Variants in TMEM132C observed in about 807,000 individuals in gnomAD.
TMEM132C encodes the protein transmembrane protein 132C, also known as protein phosphatase 1, regulatory subunit 152.
A neutral mutation model predicts 61.4 loss-of-function variants in TMEM132C; 29 were observed. That is an observed-to-expected ratio of 0.47 (90% CI 0.35 to 0.64). TMEM132C has a LOEUF of 0.64. Ranked by LOEUF, TMEM132C falls within the 30% of genes least tolerant of loss-of-function variation. The probability of loss-of-function intolerance (pLI) is 0.00; values close to 1 mark genes in which losing one functional copy is unlikely to be tolerated. For missense variants in TMEM132C, 1,408 were observed against 1,476.9 expected (o/e 0.95, Z 0.76); for synonymous variants, 656 against 633.1 (o/e 1.04, Z -0.54).
At chr12:128,301,523 T>C (rs1015198489) in intron 1 of TMEM132C, among the ~76,000 whole-genome samples, 2 of 152,228 alleles carry the variant, frequency 1.3e-5, no homozygotes, top group South Asian at 2.1e-4. Flanking sequence ...ATGACTGCCA[T>C]GCTTCTGCCC....
Position 128,267,355 on chromosome 12 carries a change from G to A in TMEM132C, c.-48G>A. The A allele has an allele frequency of 1.0e-6, 1 of 993,122 alleles. No homozygotes were observed. Among genetic ancestry groups the A allele is most frequent in the Non-Finnish European group, 1.2e-6 (1 of 834,086 alleles). The allele number at this position is 993,122 out of a possible 1,614,324, so 61.5% of individuals were successfully genotyped here. Reference sequence around the variant, plus strand: ...CGGCCGGCGGGGGCCGCGGGCGGGCGCTGCGCTTCGGGCTGGCGGCGGGCT... The same window carrying A: ...CGGCCGGCGGGGGCCGCGGGCGGGCACTGCGCTTCGGGCTGGCGGCGGGCT... On this transcript the variant is annotated 5_prime_UTR_variant, in exon 1 of 9. Transcript: ENST00000435159.
At chr12:128,587,124 G>A (rs1328664764) in intron 3 of TMEM132C, among the ~76,000 whole-genome samples, 1 of 152,264 alleles carries the variant, frequency 6.6e-6, no homozygotes. Flanking sequence ...TCCAGTGGGT[G>A]TTGGCAGCAG....
At chr12:128,692,948 G>A (rs1197097919) in intron 5 of TMEM132C, among the ~76,000 whole-genome samples, 1 of 152,188 alleles carries the variant, frequency 6.6e-6, no homozygotes, top group African/African-American at 2.4e-5. Flanking sequence ...AGGCGCATAG[G>A]GAAAGGGAAC....
chr12:128,562,777 T>G (rs1360907843), intron 3 of TMEM132C, among the ~76,000 whole-genome samples: 1 of 141,770 alleles, frequency 7.1e-6, no homozygotes, highest in African/African-American at 2.6e-5. Context: ...GGGATCAGCT[T>G]CTGTGACAGC....
intron 2 of TMEM132C, among the ~76,000 whole-genome samples, chr12:128,444,769 G>A (rs1323448040): frequency 6.6e-6 from 1 of 152,176 alleles, no homozygotes; most frequent in South Asian, 2.1e-4. Context: ...TCCTTGGCGC[G>A]GGTGGTATTT....
intron 4 of TMEM132C, among the ~76,000 whole-genome samples, chr12:128,655,612 A>G (rs1029704528): frequency 1.3e-5 from 2 of 151,962 alleles, no homozygotes; most frequent in African/African-American, 4.8e-5. Context: ...GCTGCAAATT[A>G]GGCTGAGTTG....
intron 4 of TMEM132C, among the ~76,000 whole-genome samples, chr12:128,661,398 G>A (rs915843730): frequency 7.2e-5 from 11 of 152,190 alleles, no homozygotes; most frequent in South Asian, 4.1e-4. Flanking sequence ...CAAGGGATAC[G>A]TAATCATGGG....
intron 2 of TMEM132C, among the ~76,000 whole-genome samples, chr12:128,533,904 A>T (rs977038516): frequency 1.1e-4 from 17 of 151,850 alleles, no homozygotes; most frequent in African/African-American, 4.1e-4. Context: ...CCATCCGTGC[A>T]CACACATGCA....
Position 128,402,787 on chromosome 12 carries a change from A to T in TMEM132C, c.86-11945A>T, listed in dbSNP as rs371764983. ...TTAAAGCAGCCCATGTTAGACTTGT[A>T]ACTTCGCCTGGTAAATATTTCCCTC... On this transcript the variant is annotated intron_variant, in intron 1 of 8. Transcript: ENST00000435159. 3.3e-5 allele frequency among the ~76,000 whole-genome samples: 5 copies of T among 152,222 alleles called. No individual in the cohort carries two copies. The East Asian group carries it at 5.8e-4, about 18-fold the overall frequency.
At chr12:128,675,460 T>G (rs1167099430) in intron 5 of TMEM132C, among the ~76,000 whole-genome samples, 1 of 152,226 alleles carries the variant, frequency 6.6e-6, no homozygotes, top group Non-Finnish European at 1.5e-5. Context: ...CTATATAGTC[T>G]CTGTACATTC....
intron 3 of TMEM132C, among the ~76,000 whole-genome samples, chr12:128,604,920 G>A (rs927975905): frequency 1.3e-5 from 2 of 151,254 alleles, no homozygotes; most frequent in Non-Finnish European, 2.9e-5. Context: ...ATGGATGGAT[G>A]GATGCATGGA....
chr12:128,546,923 T>C (rs1873970942), intron 3 of TMEM132C, among the ~76,000 whole-genome samples: 1 of 152,242 alleles, frequency 6.6e-6, no homozygotes, highest in African/African-American at 2.4e-5. Flanking sequence ...TCTTACAGCA[T>C]GGCCTCTGTC....
At chr12:128,568,934 C>A (rs1268694872) in intron 3 of TMEM132C, among the ~76,000 whole-genome samples, 1 of 152,204 alleles carries the variant, frequency 6.6e-6, no homozygotes, top group East Asian at 1.9e-4. Context: ...TTACTGAGAT[C>A]CTTCTCTGCG....
At chr12:128,660,900 G>A (rs1954381762) in intron 4 of TMEM132C, among the ~76,000 whole-genome samples, 1 of 152,210 alleles carries the variant, frequency 6.6e-6, no homozygotes. Context: ...AAGATGAGGA[G>A]GGAGGTAGGT....
At chr12:128,564,317 G>T (rs1874625164) in intron 3 of TMEM132C, among the ~76,000 whole-genome samples, 1 of 152,212 alleles carries the variant, frequency 6.6e-6, no homozygotes, top group African/African-American at 2.4e-5. Context: ...ACACCTTTGT[G>T]TTGAGAAATA....
At chr12:128,644,827 T>C (rs1053909916) in intron 4 of TMEM132C, among the ~76,000 whole-genome samples, 2 of 152,222 alleles carry the variant, frequency 1.3e-5, no homozygotes, top group Admixed American at 1.3e-4. Flanking sequence ...GTGTGTGAGC[T>C]GCAGCTTGTT....
At chr12:128,575,817 T>A (rs1875071467) in intron 3 of TMEM132C, among the ~76,000 whole-genome samples, 1 of 152,224 alleles carries the variant, frequency 6.6e-6, no homozygotes, top group Admixed American at 6.5e-5. Flanking sequence ...AAAGATGTGT[T>A]CCAAACGTGG....
intron 3 of TMEM132C, among the ~76,000 whole-genome samples, chr12:128,586,809 G>T (rs747044665): frequency 6.6e-6 from 1 of 152,186 alleles, no homozygotes; most frequent in Non-Finnish European, 1.5e-5. Flanking sequence ...ATGCTGTGGG[G>T]AGCACTGTGC....
At chr12:128,291,265 C>T (rs1317239408) in intron 1 of TMEM132C, among the ~76,000 whole-genome samples, 1 of 152,206 alleles carries the variant, frequency 6.6e-6, no homozygotes, top group East Asian at 1.9e-4. Context: ...AAATGAAGTC[C>T]TTTGAAGTCC....
Sources: gnomAD v4.1 joint callset for allele counts (sites outside exome capture counted in the v4.1 genomes callset) on GRCh38, gnomAD v4.1.1 for gene constraint, MANE v1.5 for transcripts, NCBI Gene and HGNC (gene_info 2026-07-23, HGNC 2026-07-21) for gene names.